RNF6: variants seen among roughly 807,000 people sequenced by gnomAD.
The protein encoded by RNF6 is ring finger protein 6, also known as E3 ubiquitin-protein ligase RNF6.
A neutral mutation model predicts 50.1 loss-of-function variants in RNF6; 21 were observed. The ratio of observed to expected loss-of-function variants is 0.42; its 90% CI spans 0.30 to 0.60. The LOEUF (loss-of-function observed/expected upper bound fraction) is 0.60, where lower values mean the gene tolerates loss of function less well. Among genes scored for constraint, RNF6 ranks in the 20% least tolerant of loss-of-function variants. RNF6 has a pLI of 0.20. For synonymous variants in RNF6, 255 were observed against 291.8 expected (o/e 0.87, Z 1.29); for missense variants, 698 against 838.2 (o/e 0.83, Z 2.07).
downstream of RNF6, among the ~76,000 whole-genome samples, chr13:26,212,519 T>C (rs903175751): frequency 6.6e-6 from 1 of 151,952 alleles, no homozygotes; most frequent in African/African-American, 2.4e-5. Context: ...CTTGTGATTT[T>C]GCCCAAACAG....
intron 5 of RNF6, among the ~76,000 whole-genome samples, chr13:26,195,302 G>C (rs1868617373): frequency 6.6e-6 from 1 of 152,052 alleles, no homozygotes; most frequent in African/African-American, 2.4e-5. Flanking sequence ...ACGCAGCTAA[G>C]GAAAGAATTC....
At chr13:26,155,132 T>C (rs1251587482) in intron 5 of RNF6, among the ~76,000 whole-genome samples, 2 of 151,834 alleles carry the variant, frequency 1.3e-5, no homozygotes, top group African/African-American at 4.8e-5. Flanking sequence ...CTCTCATAGG[T>C]ATTTTATTAT....
chr13:26,170,727 G>A (rs1341481515), intron 5 of RNF6, among the ~76,000 whole-genome samples: 1 of 152,238 alleles, frequency 6.6e-6, no homozygotes, highest in East Asian at 1.9e-4. Context: ...TCTTGGTAAA[G>A]TTATTAGATT....
intron 5 of RNF6, among the ~76,000 whole-genome samples, chr13:26,202,098 A>C (rs1868919272): frequency 6.6e-6 from 1 of 152,192 alleles, no homozygotes; most frequent in African/African-American, 2.4e-5. Flanking sequence ...TGAAGCTAAC[A>C]GCGGTAAACT....
chr13:26,149,031 T>C (rs984592715), intron 5 of RNF6: 7 of 152,088 alleles, frequency 4.6e-5, no homozygotes, highest in Non-Finnish European at 1.0e-4. Context: ...TGGTCTTCTT[T>C]ATTCAGTCTA....
intron 5 of RNF6, among the ~76,000 whole-genome samples, chr13:26,182,373 T>C (rs1252108500): frequency 1.6e-5 from 2 of 126,656 alleles, no homozygotes; most frequent in African/African-American, 5.6e-5. Context: ...AAATGTTACA[T>C]AGGACAGAAT....
chr13:26,205,907 G>A (rs1869086793), intron 5 of RNF6, among the ~76,000 whole-genome samples: 1 of 152,142 alleles, frequency 6.6e-6, no homozygotes, highest in African/African-American at 2.4e-5. Context: ...AGCTACTCAG[G>A]AGGTGAGGTG....
At chr13:26,179,757 G>C (rs191831525) in intron 5 of RNF6, among the ~76,000 whole-genome samples, 9 of 152,290 alleles carry the variant, frequency 5.9e-5, no homozygotes, top group Middle Eastern at 3.4e-3. Flanking sequence ...GCAGAGGTTT[G>C]TCTCTTAAGA....
Position 26,214,494 on chromosome 13 carries a change from G to A in RNF6, c.1388C>T (p.Pro463Leu), listed in dbSNP as rs1869617633. 2 of 1,614,020 alleles carry A rather than the reference G, an allele frequency of 1.2e-6. No individual in the cohort carries two copies. Among genetic ancestry groups the A allele is most frequent in the South Asian group, 2.2e-5 (2 of 91,088 alleles). Residue 463 changes from proline to leucine, a missense_variant, in exon 5 of 5, where the codon CCT becomes CTT. By Grantham distance (98) the Pro-to-Leu change is moderately conservative. Coordinates refer to ENST00000381588, the MANE Select transcript of RNF6 (RefSeq NM_005977.4). ...IRTYVSTITV[P>L]LRRISENELV... ...CTCATTCTCAGAAATCCTACGAAGA[G>A]GAACTGTTATGGTACTAACATAGGT... is the stretch of plus-strand genomic sequence containing the variant.
At chr13:26,199,745 A>G (rs1017328794) in intron 5 of RNF6, among the ~76,000 whole-genome samples, 1 of 152,170 alleles carries the variant, frequency 6.6e-6, no homozygotes, top group Non-Finnish European at 1.5e-5. Context: ...GGGCAAGGAC[A>G]CCTATAGAGA....
At chr13:26,172,827 G>T (rs946782466) in intron 5 of RNF6, among the ~76,000 whole-genome samples, 1 of 152,144 alleles carries the variant, frequency 6.6e-6, no homozygotes, top group Non-Finnish European at 1.5e-5. Flanking sequence ...ACAGGCGTGA[G>T]CCACCGCACC....
intron 5 of RNF6, among the ~76,000 whole-genome samples, chr13:26,172,408 A>T (rs902588067): frequency 6.6e-6 from 1 of 152,258 alleles, no homozygotes; most frequent in East Asian, 1.9e-4. Flanking sequence ...ATCAGGATAA[A>T]GGAACAATTT....
Position 26,215,395 on chromosome 13 carries a change from C to A in RNF6, c.487G>T (p.Glu163Ter). ...TCTGTATAATCTTCTCCATGAATTT[C>A]AAATCCTCTATTTTCATGATTTACG... The part of the protein sequence containing the change: ...IHVNHENRGF[E>*]IHGEDYTDIP... The change falls in exon 5 of 5, where the codon GAA (glutamate) becomes TAA (stop). Residue 163 changes from glutamate to a stop codon, truncating the protein, a stop_gained. Coordinates refer to ENST00000381588, the MANE Select transcript of RNF6 (RefSeq NM_005977.4). LOFTEE classifies it high-confidence loss of function. The A allele has an allele frequency of 6.2e-7, 1 of 1,614,190 alleles. No individual in the cohort carries two copies. The highest frequency in any genetic ancestry group is 8.5e-7 in the Non-Finnish European group (1 of 1,180,028).
intron 5 of RNF6, among the ~76,000 whole-genome samples, chr13:26,171,970 T>C (rs1872714412): frequency 6.6e-6 from 1 of 152,188 alleles, no homozygotes; most frequent in African/African-American, 2.4e-5. Context: ...GAAATGGTTT[T>C]TGAAATAACG....
chr13:26,211,585 T>C (rs950062039), downstream of RNF6, among the ~76,000 whole-genome samples: 1 of 152,044 alleles, frequency 6.6e-6, no homozygotes, highest in Non-Finnish European at 1.5e-5. Context: ...GGTGAAACCC[T>C]GTCTCTACTA....
chr13:26,132,129 CT>C (rs3837560), exon 6 of RNF6: 135,355 of 193,174 alleles, frequency 0.7, 48,146 homozygotes, highest in East Asian at 0.82. Flanking sequence ...TTTAAGAATG[CT>C]TTTTTTTAAT....
chr13:26,165,738 G>A (rs1194611932), intron 5 of RNF6, among the ~76,000 whole-genome samples: 1 of 152,196 alleles, frequency 6.6e-6, no homozygotes. Context: ...TAGCCCCTTT[G>A]TTTTGGCCTA....
At chr13:26,169,898 C>A (rs1358645257) in intron 5 of RNF6, among the ~76,000 whole-genome samples, 1 of 152,240 alleles carries the variant, frequency 6.6e-6, no homozygotes, top group Non-Finnish European at 1.5e-5. Context: ...GCTGAGTTCA[C>A]ACTCTCTCCT....
intron 5 of RNF6, among the ~76,000 whole-genome samples, chr13:26,199,546 T>A (rs1868813285): frequency 6.6e-6 from 1 of 152,192 alleles, no homozygotes. Flanking sequence ...TTCATCAAGA[T>A]TAAAAACTAT....
Sources: gnomAD v4.1 joint callset for allele counts (sites outside exome capture counted in the v4.1 genomes callset) on GRCh38, gnomAD v4.1.1 for gene constraint, MANE v1.5 for transcripts, NCBI Gene and HGNC (gene_info 2026-07-23, HGNC 2026-07-21) for gene names.